The following PNCK variants were observed in gnomAD, a reference collection of about 807,000 sequenced individuals.
PNCK encodes calcium/calmodulin-dependent protein kinase type 1B.
In PNCK, 21 loss-of-function variants were observed where a neutral mutation model predicts 28.3. The ratio of observed to expected loss-of-function variants is 0.74; its 90% CI spans 0.53 to 1.07. The LOEUF (loss-of-function observed/expected upper bound fraction) is 1.07. Ranked by LOEUF, PNCK falls within the 50% of genes least tolerant of loss-of-function variation. PNCK has a pLI of 0.00. For missense variants in PNCK, 250 were observed against 298.3 expected (o/e 0.84, Z 1.19); for synonymous variants, 136 against 125.2 (o/e 1.09, Z -0.58).
rs201506239 is a variant in PNCK, at chrX:153,670,427, G to A, written c.*7+23C>T. 3.1e-4 allele frequency: 370 copies of A among 1,209,651 alleles called. No homozygotes were observed. The African/African-American group carries it at 5.1e-3, about 17-fold the overall frequency. On this transcript the variant is annotated intron_variant, in intron 11 of 11. Coordinates refer to ENST00000340888, the MANE Select transcript of PNCK (RefSeq NM_001366977.1). Reference sequence around the variant, plus strand: ...CTCTCCAAGGAGCCAGCTCCTGGGCGTGCAGGGTCCACCCAAACACACCTG... The same window carrying A: ...CTCTCCAAGGAGCCAGCTCCTGGGCATGCAGGGTCCACCCAAACACACCTG...
In PNCK at chrX:153,681,387, C is replaced by T. The variant is rs782773116; in HGVS notation, c.-3+6044G>A. On this transcript the variant is annotated intron_variant, in intron 1 of 3. Coordinates refer to the PNCK transcript ENST00000419804. ...GAGACCCGACAAACAGGACCCCAGC[C>T]GGTCGTTCCAGGTCTACATGGCCCC... Among the ~76,000 whole-genome samples the T allele has an allele frequency of 2.7e-5, 3 of 111,780 alleles. No individual in the cohort carries two copies. In the East Asian group the frequency reaches 8.4e-4, roughly 31 times the overall value.
intron 1 of PNCK, chrX:153,687,073 C>G (rs2091423932): frequency 6.5e-6 from 1 of 153,784 alleles, no homozygotes; most frequent in Admixed American, 7.6e-5. Flanking sequence ...AAATTCTAAA[C>G]AAGCTGCTCA....
intron 1 of PNCK, among the ~76,000 whole-genome samples, chrX:153,686,135 C>A (rs1037633846): frequency 9.0e-6 from 1 of 111,420 alleles, no homozygotes; most frequent in African/African-American, 3.3e-5. Flanking sequence ...TCCAGCCTGG[C>A]CACCTCGCCC....
At chrX:153,678,880 A>G (rs1293004413), upstream of PNCK, among the ~76,000 whole-genome samples, 2 of 106,006 alleles carry the variant, frequency 1.9e-5, no homozygotes, top group African/African-American at 6.9e-5. Context: ...CCGGAATGTC[A>G]GGTAAATGGA....
chrX:153,679,331 G>A (rs781838372), upstream of PNCK, among the ~76,000 whole-genome samples: 12 of 108,738 alleles, frequency 1.1e-4, no homozygotes, highest in African/African-American at 3.3e-4. Context: ...CCAGGTCCTC[G>A]CCAGCATTAG....
At chrX:153,673,133 G>A (rs1484490191) in intron 1 of PNCK, 55 bp from the exon 2 acceptor site, 11 of 1,174,393 alleles carry the variant, frequency 9.4e-6, no homozygotes, top group Middle Eastern at 2.4e-4. Context: ...CCGGGGGCAA[G>A]GGCAGCTTCC....
Position 153,670,748 on chromosome X carries a change from C to T in PNCK, c.890G>A (p.Trp297Ter), listed in dbSNP as rs1046700989. Reference protein sequence around the residue: ...QIRKNFARTHWKRAFNATSFL... With the variant: ...QIRKNFARTH ...TGGGTCTCTCTCCACACTGACCTTCCAGTGTGTCCGAGCAAAGTTCTTCCG... is the reference window on the plus strand; with the variant it reads ...TGGGTCTCTCTCCACACTGACCTTCTAGTGTGTCCGAGCAAAGTTCTTCCG... Residue 297 changes from tryptophan to a stop codon, truncating the protein, a stop_gained, in exon 10 of 12, where the codon TGG becomes TAG. Transcript: ENST00000340888. LOFTEE classifies it high-confidence loss of function. The T allele has an allele frequency of 8.3e-7, 1 of 1,207,451 alleles. No homozygotes were observed. Among genetic ancestry groups the T allele is most frequent in the Non-Finnish European group, 1.1e-6 (1 of 892,509 alleles).
chrX:153,679,522 G>A (rs1335575382), upstream of PNCK, among the ~76,000 whole-genome samples: 3 of 104,979 alleles, frequency 2.9e-5, no homozygotes, highest in African/African-American at 1.1e-4. Flanking sequence ...TTTTAAATTG[G>A]GTTGTTTTCT....
Position 153,672,612 on chromosome X carries a change from G to C in PNCK, c.154C>G (p.Arg52Gly). 2 of 1,207,708 alleles carry C rather than the reference G, an allele frequency of 1.7e-6. No homozygotes were observed. Among genetic ancestry groups the C allele is most frequent in the Non-Finnish European group, 2.2e-6 (2 of 895,370 alleles). ...TTCTCCACCAGGGCCTCCTTGCCCC[G>C]GAGGGCCTTCTTGGGGATGCACTTG... ...ALKCIPKKAL[R>G]GKEALVENEI... Residue 52 changes from arginine (R) to glycine (G), a missense_variant, in exon 3 of 12, where the codon CGG becomes GGG. Arg to Gly is a moderately radical substitution (Grantham distance 125). Transcript: ENST00000340888.
chrX:153,670,577 G>A lies in PNCK; in HGVS notation c.912C>T (p.Thr304=). Residue 304 remains threonine, a synonymous_variant, in exon 11 of 12, where the codon ACC becomes ACT. Transcript: ENST00000340888. ...GCTTCCGGATGTGGCGCAGGAACGA[G>A]GTGGCATTGAAGGCTCGCTGCCAGA... is the stretch of plus-strand genomic sequence containing the variant. The part of the protein sequence containing the change: ...RTHWKRAFNA[T]SFLRHIRKLG... 1.7e-6 allele frequency: 2 copies of A among 1,211,129 alleles called. No homozygotes were observed. The highest frequency in any genetic ancestry group is 2.2e-6 in the Non-Finnish European group (2 of 895,336).
intron 1 of PNCK, among the ~76,000 whole-genome samples, chrX:153,682,025 G>A (rs2091397580): frequency 8.9e-6 from 1 of 112,142 alleles, no homozygotes; most frequent in Non-Finnish European, 1.9e-5. Context: ...GTCTTGCTCT[G>A]TCACCCAGGC....
rs376308842 is a variant in PNCK at position 153,671,574 on chromosome X, G to T, written c.513C>A (p.Thr171=). 3 of 1,210,227 alleles carry T rather than the reference G, an allele frequency of 2.5e-6. No individual in the cohort carries two copies. The highest frequency in any genetic ancestry group is 3.5e-5 in the South Asian group (2 of 56,791). The change falls in exon 6 of 12, where the codon ACC becomes ACA. Residue 171 remains threonine, a synonymous_variant. Transcript: ENST00000340888. ...CCACATATCCAGGGGTCCCACAGGC[G>T]GTGCCTAGCATGTTCCCAGCCTGGA... ...SKIQAGNMLG[T]ACGTPGYVAP...
chrX:153,670,744 C>A lies in PNCK; in HGVS notation c.894G>T (p.Lys298Asn). ...IRKNFARTHW[K>N]RAFNATSFLR... ...ACACTGGGTCTCTCTCCACACTGAC[C>A]TTCCAGTGTGTCCGAGCAAAGTTCT... Residue 298 changes from lysine to asparagine, a missense_variant and splice_region_variant, in exon 10 of 12, where the codon AAG becomes AAT. Coordinates refer to ENST00000340888, the MANE Select transcript of PNCK (RefSeq NM_001366977.1). 8.3e-7 allele frequency: 1 copy of A among 1,205,507 alleles called. No homozygotes were observed. Among genetic ancestry groups the A allele is most frequent in the South Asian group, 1.8e-5 (1 of 56,017 alleles).
intron 1 of PNCK, among the ~76,000 whole-genome samples, chrX:153,681,951 A>C (rs1054347284): frequency 1.1e-3 from 121 of 111,872 alleles, no homozygotes; most frequent in African/African-American, 3.4e-3. Flanking sequence ...GCCCAGATAG[A>C]TAGAGCCAAT....
chrX:153,685,436 A>T (rs1013796122), intron 1 of PNCK, among the ~76,000 whole-genome samples: 3 of 111,474 alleles, frequency 2.7e-5, no homozygotes, highest in Non-Finnish European at 5.7e-5. Flanking sequence ...CGGGAACTCC[A>T]GCCTTACCAG....
chrX:153,674,051 C>T (rs1557041103), upstream of PNCK: 8 of 1,203,938 alleles, frequency 6.6e-6, no homozygotes, highest in South Asian at 1.8e-5. Flanking sequence ...TTTGCACCAC[C>T]GGTGGCTGTC....
chrX:153,671,688 A>C lies in PNCK; in HGVS notation c.415-16T>G. 1 of 1,179,531 alleles carries C rather than the reference A, an allele frequency of 8.5e-7. No individual in the cohort carries two copies. The highest frequency in any genetic ancestry group is 1.1e-6 in the Non-Finnish European group (1 of 877,833). Reference sequence around the variant, plus strand: ...GGTTTTCGGGCTGTGACACACGGACACCGGGAAAAGGGCCAGTCAGTCCTG... The same window carrying C: ...GGTTTTCGGGCTGTGACACACGGACCCCGGGAAAAGGGCCAGTCAGTCCTG... On this transcript the variant is annotated splice_polypyrimidine_tract_variant and intron_variant, in intron 5 of 11. Transcript: ENST00000340888.
intron 1 of PNCK, among the ~76,000 whole-genome samples, chrX:153,680,999 C>T (rs1350813985): frequency 2.1e-5 from 2 of 95,637 alleles, no homozygotes; most frequent in South Asian, 1.0e-3. Flanking sequence ...ACTGTCCGCC[C>T]GCCTGGGCAA....
chrX:153,679,678 T>C (rs2091386697), upstream of PNCK, among the ~76,000 whole-genome samples: 2 of 105,052 alleles, frequency 1.9e-5, no homozygotes, highest in African/African-American at 7.0e-5. Flanking sequence ...TTCAAGCGAT[T>C]CTCCTGCCTC....
Sources: gnomAD v4.1 joint callset for allele counts (sites outside exome capture counted in the v4.1 genomes callset) on GRCh38, gnomAD v4.1.1 for gene constraint, MANE v1.5 for transcripts, NCBI Gene and HGNC (gene_info 2026-07-23, HGNC 2026-07-21) for gene names.